SETBP1: variants seen among roughly 807,000 people sequenced by gnomAD.
The protein encoded by SETBP1 is SET binding protein 1.
SETBP1 carries 9 observed loss-of-function variants against 101.0 expected under a neutral mutation model. That is an observed-to-expected ratio of 0.09 (90% CI 0.05 to 0.16). The LOEUF (loss-of-function observed/expected upper bound fraction) is 0.16. SETBP1 is among the 10% of genes least tolerant of loss of function. The pLI, the probability that SETBP1 is intolerant of heterozygous loss-of-function variation, is 1.00. For missense variants in SETBP1, 1,858 were observed against 2,033.8 expected (o/e 0.91, Z 1.66); for synonymous variants, 818 against 788.5 (o/e 1.04, Z -0.63).
At chr18:44,930,875 T>TA (rs963341731) in intron 3 of SETBP1, among the ~76,000 whole-genome samples, 101 of 149,020 alleles carry the variant, frequency 6.8e-4, no homozygotes, top group African/African-American at 1.1e-3. Flanking sequence ...TGTTGATCTT[T>TA]AAAAAAAAAA....
intron 2 of SETBP1, among the ~76,000 whole-genome samples, chr18:44,847,461 G>T (rs947601189): frequency 2.0e-4 from 31 of 152,202 alleles, no homozygotes; most frequent in African/African-American, 6.8e-4. Context: ...AAGAACATGG[G>T]GGTCAGTGGC....
chr18:44,777,397 T>A (rs1184097659), intron 2 of SETBP1, among the ~76,000 whole-genome samples: 1 of 152,222 alleles, frequency 6.6e-6, no homozygotes, highest in Non-Finnish European at 1.5e-5. Flanking sequence ...CCCCTAGCAC[T>A]TAGTAATCTC....
intron 2 of SETBP1, among the ~76,000 whole-genome samples, chr18:44,836,327 G>A (rs2072494628): frequency 6.6e-6 from 1 of 151,932 alleles, no homozygotes; most frequent in Non-Finnish European, 1.5e-5. Context: ...TCCCTAGTTA[G>A]GTTCTGTCTA....
chr18:44,788,479 T>C (rs966778321), intron 2 of SETBP1, among the ~76,000 whole-genome samples: 10 of 152,208 alleles, frequency 6.6e-5, no homozygotes, highest in African/African-American at 2.2e-4. Context: ...AAGGTTCTCA[T>C]TGTGTTAACT....
intron 2 of SETBP1, among the ~76,000 whole-genome samples, chr18:44,709,812 A>ATT (rs35610551): frequency 0.024 from 2,893 of 121,528 alleles, 76 homozygotes; most frequent in East Asian, 0.08. Context: ...ATCACTAATG[A>ATT]TTTTTTTTTT....
chr18:44,891,897 G>T (rs1271646142), intron 3 of SETBP1, among the ~76,000 whole-genome samples: 4 of 151,930 alleles, frequency 2.6e-5, no homozygotes, highest in African/African-American at 9.7e-5. Context: ...CATTATTTTT[G>T]AACGTTTGAA....
intron 3 of SETBP1, among the ~76,000 whole-genome samples, chr18:44,935,647 TC>T (rs2070940431): frequency 6.6e-6 from 1 of 152,034 alleles, no homozygotes; most frequent in Non-Finnish European, 1.5e-5. Context: ...AACACCAGAG[TC>T]CTGGGCCCCA....
intron 2 of SETBP1, among the ~76,000 whole-genome samples, chr18:44,754,972 C>T (rs770416401): frequency 6.6e-6 from 1 of 152,210 alleles, no homozygotes; most frequent in African/African-American, 2.4e-5. Context: ...AATCATTATT[C>T]TGTCCTGGCA....
At chr18:44,806,252 A>G (rs1193886669) in intron 2 of SETBP1, among the ~76,000 whole-genome samples, 3 of 152,172 alleles carry the variant, frequency 2.0e-5, no homozygotes. Flanking sequence ...CCTTATGGAT[A>G]ACTTTCAAAC....
chr18:44,766,704 A>C (rs1014373056), intron 2 of SETBP1, among the ~76,000 whole-genome samples: 2 of 152,138 alleles, frequency 1.3e-5, no homozygotes, highest in Non-Finnish European at 2.9e-5. Flanking sequence ...CATGGGTGGT[A>C]GTGGGTGCCT....
intron 2 of SETBP1, among the ~76,000 whole-genome samples, chr18:44,868,358 G>T (rs529837794): frequency 1.3e-5 from 2 of 152,060 alleles, no homozygotes; most frequent in Admixed American, 6.6e-5. Flanking sequence ...AGAGGAGAGG[G>T]TCATTTTTAC....
chr18:44,972,282 T>C (rs1338219256), intron 4 of SETBP1, among the ~76,000 whole-genome samples: 2 of 152,222 alleles, frequency 1.3e-5, no homozygotes, highest in Non-Finnish European at 2.9e-5. Context: ...ACTGTAGCCT[T>C]GCAGTATAGT....
intron 2 of SETBP1, among the ~76,000 whole-genome samples, chr18:44,800,692 C>A (rs7234257): frequency 0.14 from 20,847 of 152,044 alleles, 2,123 homozygotes; most frequent in African/African-American, 0.29. Flanking sequence ...CTGGAAGATC[C>A]ATGTAGGTCC....
chr18:45,036,103 G>T (rs973101864), intron 4 of SETBP1, among the ~76,000 whole-genome samples: 13 of 152,132 alleles, frequency 8.5e-5, no homozygotes, highest in Non-Finnish European at 1.5e-4. Context: ...GGAGGCCGAG[G>T]TGGGCAGATC....
intron 4 of SETBP1, among the ~76,000 whole-genome samples, chr18:45,036,151 G>A (rs938110720): frequency 2.0e-5 from 3 of 152,066 alleles, no homozygotes; most frequent in Non-Finnish European, 2.9e-5. Flanking sequence ...GGCCAACATG[G>A]TGAAACCCCG....
At chr18:44,911,149 A>G (rs977235326) in intron 3 of SETBP1, among the ~76,000 whole-genome samples, 1 of 152,108 alleles carries the variant, frequency 6.6e-6, no homozygotes, top group Non-Finnish European at 1.5e-5. Context: ...TTACCTGAAA[A>G]TGTTGTATCT....
At chr18:44,708,544 G>A (rs962762721) in intron 2 of SETBP1, among the ~76,000 whole-genome samples, 1 of 152,134 alleles carries the variant, frequency 6.6e-6, no homozygotes, top group Non-Finnish European at 1.5e-5. Flanking sequence ...TGTAGCTAAA[G>A]CAGCAGGGAA....
At chr18:45,003,279 CTGG>C (rs1357501594) in intron 4 of SETBP1, among the ~76,000 whole-genome samples, 112 of 152,298 alleles carry the variant, frequency 7.4e-4, no homozygotes, top group African/African-American at 2.5e-3. Flanking sequence ...ATACAGGACC[CTGG>C]GCTTTATTGA....
chr18:45,036,023 A>C (rs1458668010), intron 4 of SETBP1, among the ~76,000 whole-genome samples: 1 of 152,184 alleles, frequency 6.6e-6, no homozygotes, highest in African/African-American at 2.4e-5. Flanking sequence ...GGGTTTTTTA[A>C]ATATTAACAA....
Sources: gnomAD v4.1 joint callset for allele counts (sites outside exome capture counted in the v4.1 genomes callset) on GRCh38, gnomAD v4.1.1 for gene constraint, MANE v1.5 for transcripts, NCBI Gene and HGNC (gene_info 2026-07-23, HGNC 2026-07-21) for gene names.